ANO10: variants seen among roughly 807,000 people sequenced by gnomAD.
The protein encoded by ANO10 is anoctamin 10, also known as anoctamin-10.
In ANO10, 77 loss-of-function variants were observed where a neutral mutation model predicts 74.7. The ratio of observed to expected loss-of-function variants is 1.03; its 90% CI spans 0.86 to 1.25. The LOEUF is 1.25. Ranked by LOEUF, ANO10 falls within the 50% of genes most tolerant of loss-of-function variation. The probability of loss-of-function intolerance (pLI) is 0.00; values close to 1 mark genes in which losing one functional copy is unlikely to be tolerated. For missense variants in ANO10, 721 were observed against 778.1 expected (o/e 0.93, Z 0.87); for synonymous variants, 279 against 284.9 (o/e 0.98, Z 0.21).
intron 12 of ANO10, among the ~76,000 whole-genome samples, chr3:43,403,357 T>C (rs2092517869): frequency 6.6e-6 from 1 of 152,222 alleles, no homozygotes. Context: ...TTTGGTCTAA[T>C]ACCTAGTGAA....
rs567308951 is a variant in ANO10, at chr3:43,546,436, T to C, written c.1797+3284A>G. The stretch of plus-strand genomic sequence containing the variant: ...ACCAATGGAATAAAGAGCCCAGAAA[T>C]AAACTGTATACACAGTCAAATGATT... On this transcript the variant is annotated intron_variant, in intron 11 of 12. Transcript: ENST00000292246. Among the ~76,000 whole-genome samples, 4 of 152,224 alleles carry C rather than the reference T, an allele frequency of 2.6e-5. No individual in the cohort carries two copies. The South Asian group carries it at 8.3e-4, about 32-fold the overall frequency.
chr3:43,434,134 C>T (rs146233260), intron 11 of ANO10, among the ~76,000 whole-genome samples: 1,750 of 152,182 alleles, frequency 0.011, 16 homozygotes, highest in South Asian at 0.018. Context: ...ACTTGAAAAC[C>T]AGCAGAACCC....
intron 11 of ANO10, among the ~76,000 whole-genome samples, chr3:43,458,063 C>T (rs943862956): frequency 1.3e-5 from 2 of 152,172 alleles, no homozygotes; most frequent in African/African-American, 4.8e-5. Flanking sequence ...CAGTAGACAA[C>T]CACATATTGG....
At chr3:43,632,484 T>A (rs2083558873) in intron 1 of ANO10, among the ~76,000 whole-genome samples, 1 of 152,278 alleles carries the variant, frequency 6.6e-6, no homozygotes. Flanking sequence ...CTCCTTGCCC[T>A]TCAGGCCTAG....
chr3:43,563,184 G>A (rs2080132797), intron 8 of ANO10, among the ~76,000 whole-genome samples: 1 of 151,988 alleles, frequency 6.6e-6, no homozygotes, highest in African/African-American at 2.4e-5. Context: ...CTCTAAAGAA[G>A]ACATTTACAT....
At chr3:43,582,770 G>T (rs1263261737) in intron 4 of ANO10, among the ~76,000 whole-genome samples, 11 of 152,166 alleles carry the variant, frequency 7.2e-5, no homozygotes, top group Non-Finnish European at 1.6e-4. Context: ...TCAGTAACTA[G>T]GGTAAAAAGA....
At chr3:43,515,451 C>T (rs1365584035) in intron 11 of ANO10, among the ~76,000 whole-genome samples, 1 of 152,146 alleles carries the variant, frequency 6.6e-6, no homozygotes, top group Non-Finnish European at 1.5e-5. Flanking sequence ...GGAATGACAC[C>T]ATTGTCTCTC....
At chr3:43,636,990 C>G (rs893870350) in intron 1 of ANO10, among the ~76,000 whole-genome samples, 1 of 152,106 alleles carries the variant, frequency 6.6e-6, no homozygotes, top group African/African-American at 2.4e-5. Flanking sequence ...TGATGAGACT[C>G]TGTCTCCACA....
At chr3:43,644,079 G>T (rs965902144) in intron 1 of ANO10, among the ~76,000 whole-genome samples, 11 of 151,646 alleles carry the variant, frequency 7.3e-5, no homozygotes, top group African/African-American at 2.7e-4. Context: ...ATCTTTCCCT[G>T]ATTTTTTTGT....
intron 11 of ANO10, among the ~76,000 whole-genome samples, chr3:43,510,247 T>C (rs931094558): frequency 6.6e-6 from 1 of 152,080 alleles, no homozygotes; most frequent in Non-Finnish European, 1.5e-5. Flanking sequence ...CTGGCCAACA[T>C]GGTGAAACCC....
intron 11 of ANO10, among the ~76,000 whole-genome samples, chr3:43,496,901 C>T (rs1339930888): frequency 1.3e-5 from 2 of 152,160 alleles, no homozygotes; most frequent in Admixed American, 6.5e-5. Context: ...GTGATGTAAG[C>T]TCCTTCCTGT....
intron 11 of ANO10, among the ~76,000 whole-genome samples, chr3:43,534,072 G>A (rs948829403): frequency 1.3e-5 from 2 of 152,142 alleles, no homozygotes; most frequent in African/African-American, 2.4e-5. Context: ...TGGGAGACAG[G>A]AGAGGGTTCT....
At chr3:43,504,300 G>GTAGGTAGATAGATAGATAGATAGA (rs71083075) in intron 11 of ANO10, among the ~76,000 whole-genome samples, 19 of 139,822 alleles carry the variant, frequency 1.4e-4, no homozygotes, top group Non-Finnish European at 2.3e-4. Flanking sequence ...AGGTAGGTAG[G>GTAGGTAGATAGATAGATAGATAGA]TAGATAGATA....
intron 12 of ANO10, among the ~76,000 whole-genome samples, chr3:43,387,031 C>T (rs1269097416): frequency 6.6e-6 from 1 of 152,156 alleles, no homozygotes; most frequent in Non-Finnish European, 1.5e-5. Flanking sequence ...CGATGGGACA[C>T]GTTCTGAGAA....
chr3:43,408,101 G>A (rs915720475), intron 12 of ANO10, among the ~76,000 whole-genome samples: 1 of 152,182 alleles, frequency 6.6e-6, no homozygotes, highest in African/African-American at 2.4e-5. Flanking sequence ...GGGAGGAAAG[G>A]ATGAGAGTGC....
rs187218078 is a variant in ANO10, at chr3:43,518,788, C to T, written c.1797+30932G>A. 2.3e-3 allele frequency among the ~76,000 whole-genome samples: 350 copies of T among 152,154 alleles called. 1 individual carries two copies. Among genetic ancestry groups the T allele is most frequent in the African/African-American group, 8.0e-3 (334 of 41,494 alleles). On this transcript the variant is annotated intron_variant, in intron 11 of 12. Transcript: ENST00000292246. Reference sequence around the variant, plus strand: ...CCTGCCTAGTAAATTTTAGTCAGACCGGTTGTCTGCTCTCAAACCCTGTCT... The same window carrying T: ...CCTGCCTAGTAAATTTTAGTCAGACTGGTTGTCTGCTCTCAAACCCTGTCT...
intron 11 of ANO10, among the ~76,000 whole-genome samples, chr3:43,506,458 C>T (rs377312429): frequency 6.6e-6 from 1 of 152,128 alleles, no homozygotes; most frequent in Non-Finnish European, 1.5e-5. Context: ...ACAGAGTATC[C>T]AGAGGCCCCA....
At chr3:43,485,011 CT>C in intron 11 of ANO10, 1 of 1,466,998 alleles carries the variant, frequency 6.8e-7, no homozygotes, top group Non-Finnish European at 9.3e-7. Context: ...TGAGGCGTGG[CT>C]TGTGCTGACG....
intron 11 of ANO10, among the ~76,000 whole-genome samples, chr3:43,544,547 C>G (rs1380880530): frequency 6.6e-6 from 1 of 152,018 alleles, no homozygotes; most frequent in African/African-American, 2.4e-5. Flanking sequence ...AATCCCAGCA[C>G]TTTGGGAGGC....
Sources: gnomAD v4.1 joint callset for allele counts (sites outside exome capture counted in the v4.1 genomes callset) on GRCh38, gnomAD v4.1.1 for gene constraint, MANE v1.5 for transcripts, NCBI Gene and HGNC (gene_info 2026-07-23, HGNC 2026-07-21) for gene names.